Variants in CD8B observed in about 807,000 individuals in gnomAD.
CD8B encodes the protein CD8 subunit beta.
CD8B carries 6 observed loss-of-function variants against 24.2 expected under a neutral mutation model. The ratio of observed to expected loss-of-function variants is 0.25; its 90% CI spans 0.14 to 0.49. CD8B has a LOEUF of 0.49. CD8B is among the 20% of genes least tolerant of loss of function. The pLI, the probability that CD8B is intolerant of heterozygous loss-of-function variation, is 0.98. For missense variants in CD8B, 196 were observed against 271.3 expected, an observed-to-expected ratio of 0.72 and a Z score of 1.95; for synonymous variants, 84 against 108.3, an observed-to-expected ratio of 0.78 and a Z score of 1.39.
intron 2 of CD8B, among the ~76,000 whole-genome samples, chr2:86,857,481 G>A (rs1273520159): frequency 1.3e-5 from 2 of 152,118 alleles, no homozygotes; most frequent in Admixed American, 6.5e-5. Flanking sequence ...CGCTTTGGGA[G>A]GCTAAGGTGG....
intron 1 of CD8B, among the ~76,000 whole-genome samples, chr2:86,860,438 G>C (rs1471347974): frequency 2.6e-5 from 4 of 152,196 alleles, no homozygotes; most frequent in African/African-American, 9.7e-5. Context: ...TCTTGGGGGA[G>C]TTAATAAGAA....
intron 1 of CD8B, 141 bp from the exon 2 acceptor site, chr2:86,858,557 C>T: frequency 7.0e-7 from 1 of 1,434,636 alleles, no homozygotes; most frequent in Non-Finnish European, 9.2e-7. Context: ...GTGTTGAGCG[C>T]AGCTGTTGGC....
rs748412243 is a variant in CD8B at position 86,858,480 on chromosome 2, T to C, written c.44-64A>G. The C allele has an allele frequency of 1.1e-5, 17 of 1,506,390 alleles. No individual in the cohort carries two copies. In the Admixed American group the frequency reaches 3.1e-4, roughly 27 times the overall value. The allele number at this position is 1,506,390 out of a possible 1,614,324, so 93.3% of individuals were successfully genotyped here. ...TAGCCACAGCTGTGGGACCTTGCAG[T>C]CACACTGAGTCAAGTGTCAAAGGAA... is the stretch of plus-strand genomic sequence containing the variant. On this transcript the variant is annotated intron_variant, in intron 1 of 5. Transcript: ENST00000390655.
rs948679693 is a variant in CD8B, at chr2:86,838,234, C to G, written c.*4073G>C. On this transcript the variant is annotated 3_prime_UTR_variant, in exon 6 of 6. Transcript: ENST00000390655. ...GTAATACATGATGTAAAAATTCACACAAGGAACTGTACAAAGCAGAAGTGG... is the reference window on the plus strand; with the variant it reads ...GTAATACATGATGTAAAAATTCACAGAAGGAACTGTACAAAGCAGAAGTGG... Among the ~76,000 whole-genome samples the G allele has an allele frequency of 2.0e-5, 3 of 152,124 alleles. No individual in the cohort carries two copies. The highest frequency in any genetic ancestry group is 7.2e-5 in the African/African-American group (3 of 41,418).
rs544328858 is a variant in CD8B at position 86,838,552 on chromosome 2, G to A, written c.*3755C>T. ...CTGTCTGTGTTGCCCAGGCTGGAGT[G>A]CAGTGGCGTGATCACAGCTCACTGC... is the stretch of plus-strand genomic sequence containing the variant. On this transcript the variant is annotated 3_prime_UTR_variant, in exon 6 of 6. Coordinates refer to ENST00000390655, the MANE Select transcript of CD8B (RefSeq NM_004931.5). Among the ~76,000 whole-genome samples, 120 of 152,286 alleles carry A rather than the reference G, an allele frequency of 7.9e-4. 1 individual carries two copies. The highest frequency in any genetic ancestry group is 2.8e-3 in the African/African-American group (118 of 41,566).
intron 5 of CD8B, among the ~76,000 whole-genome samples, chr2:86,816,072 A>G (rs146701042): frequency 2.3e-3 from 352 of 152,294 alleles, no homozygotes; most frequent in Non-Finnish European, 4.2e-3. Context: ...ATCACTGTCA[A>G]TTTTATTGCC....
At chr2:86,858,896 C>G (rs998219043) in intron 1 of CD8B, among the ~76,000 whole-genome samples, 2 of 152,050 alleles carry the variant, frequency 1.3e-5, no homozygotes, top group Admixed American at 6.5e-5. Context: ...TAGGCATGTA[C>G]CACCACAAAA....
At chr2:86,831,853 G>A (rs1363599154) in intron 5 of CD8B, among the ~76,000 whole-genome samples, 1 of 152,166 alleles carries the variant, frequency 6.6e-6, no homozygotes, top group Admixed American at 6.5e-5. Flanking sequence ...AGTGAGAGAA[G>A]TATTATTCTC....
At chr2:86,826,838 T>C (rs1674711301) in intron 5 of CD8B, among the ~76,000 whole-genome samples, 1 of 144,262 alleles carries the variant, frequency 6.9e-6, no homozygotes, top group Non-Finnish European at 1.6e-5. Flanking sequence ...TTTTTTTTTT[T>C]TGAGACGGGG....
At chr2:86,846,488 A>G (rs1445982087) in intron 4 of CD8B, among the ~76,000 whole-genome samples, 196 bp downstream of exon 4, 1 of 152,062 alleles carries the variant, frequency 6.6e-6, no homozygotes, top group Non-Finnish European at 1.5e-5. Context: ...GGTTTGCCTG[A>G]CTCCAGGGAC....
At chr2:86,847,228 T>A (rs1675733113) in intron 3 of CD8B, among the ~76,000 whole-genome samples, 1 of 151,964 alleles carries the variant, frequency 6.6e-6, no homozygotes, top group Non-Finnish European at 1.5e-5. Context: ...TGAGCCACCA[T>A]GTCCGGCCAT....
In CD8B at chr2:86,839,072, T is replaced by C. The variant is rs1675300143; in HGVS notation, c.*3235A>G. 6.6e-6 allele frequency among the ~76,000 whole-genome samples: 1 copy of C among 152,266 alleles called. No homozygotes were observed. The highest frequency in any genetic ancestry group is 2.1e-4 in the South Asian group (1 of 4,836). On this transcript the variant is annotated 3_prime_UTR_variant, in exon 6 of 6. Coordinates refer to ENST00000390655, the MANE Select transcript of CD8B (RefSeq NM_004931.5). ...CCAAGGGTAACTGTATCCTAACTTC[T>C]AACAACATATATTTGTTTTGCTTGT...
chr2:86,839,119 A>G lies in CD8B; in HGVS notation c.*3188T>C, dbSNP rs1304701838. 1.3e-5 allele frequency among the ~76,000 whole-genome samples: 2 copies of G among 152,228 alleles called. No individual in the cohort carries two copies. The highest frequency in any genetic ancestry group is 4.8e-5 in the African/African-American group (2 of 41,476). ...TTGTTTTCTTTTGTGCTTGAATTTT[A>G]ACAGTGACTACATATTGTGCCATAT... On this transcript the variant is annotated 3_prime_UTR_variant, in exon 6 of 6. Coordinates refer to ENST00000390655, the MANE Select transcript of CD8B (RefSeq NM_004931.5).
chr2:86,844,124 C>G (rs551320837), intron 5 of CD8B, among the ~76,000 whole-genome samples: 1 of 152,178 alleles, frequency 6.6e-6, no homozygotes, highest in South Asian at 2.1e-4. Context: ...CATGAAAGAC[C>G]CAGGACCTAA....
intron 2 of CD8B, among the ~76,000 whole-genome samples, chr2:86,854,405 A>G (rs963046341): frequency 3.9e-5 from 6 of 152,182 alleles, no homozygotes; most frequent in African/African-American, 1.2e-4. Context: ...CCTAAAATAT[A>G]TATATAATAC....
At chr2:86,846,600 C>T (rs1248318283) in intron 4 of CD8B, 84 bp downstream of exon 4, 4 of 662,684 alleles carry the variant, frequency 6.0e-6, no homozygotes, top group African/African-American at 5.7e-5. Flanking sequence ...GCCATCTGCT[C>T]TGCTCCCCTA....
intron 1 of CD8B, among the ~76,000 whole-genome samples, chr2:86,861,354 T>C (rs1227640590): frequency 1.3e-5 from 2 of 151,852 alleles, no homozygotes; most frequent in East Asian, 3.9e-4. Flanking sequence ...GCCCTAGCCC[T>C]CCGAGAACTG....
chr2:86,844,768 G>T, intron 5 of CD8B, 154 bp downstream of exon 5: 2 of 1,536,026 alleles, frequency 1.3e-6, no homozygotes, highest in Non-Finnish European at 1.8e-6. Context: ...TCAGCCTCCC[G>T]AGTAGCTGTG....
At chr2:86,854,244 C>T (rs567205304) in intron 2 of CD8B, among the ~76,000 whole-genome samples, 17 of 152,066 alleles carry the variant, frequency 1.1e-4, no homozygotes, top group Non-Finnish European at 1.6e-4. Flanking sequence ...AGGGCTGGAT[C>T]GCCCAGCCTT....
Sources: gnomAD v4.1 joint callset for allele counts (sites outside exome capture counted in the v4.1 genomes callset) on GRCh38, gnomAD v4.1.1 for gene constraint, MANE v1.5 for transcripts, NCBI Gene and HGNC (gene_info 2026-07-23, HGNC 2026-07-21) for gene names.